FCMR: variants seen among roughly 807,000 people sequenced by gnomAD.
The protein encoded by FCMR is Fc mu receptor.
In FCMR, 34 loss-of-function variants were observed where a neutral mutation model predicts 41.6. The observed-to-expected ratio is 0.82, with a 90% confidence interval of 0.62 to 1.09. The LOEUF is 1.09. Ranked by LOEUF, FCMR falls within the 50% of genes least tolerant of loss-of-function variation. FCMR has a pLI of 0.00. For synonymous variants in FCMR, 209 were observed against 211.8 expected, an observed-to-expected ratio of 0.99 and a Z score of 0.12; for missense variants, 496 against 512.5, an observed-to-expected ratio of 0.97 and a Z score of 0.31.
At chr1:206,910,437 T>C in intron 4 of FCMR, 97 bp from the exon 5 acceptor site, 1 of 1,007,450 alleles carries the variant, frequency 9.9e-7, no homozygotes. Context: ...TGGAGATGAC[T>C]TACAGGTTTG....
intron 7 of FCMR, among the ~76,000 whole-genome samples, chr1:206,905,425 C>G (rs1054306233): frequency 1.3e-5 from 2 of 152,196 alleles, no homozygotes; most frequent in Non-Finnish European, 2.9e-5. Flanking sequence ...GAAAGAGACC[C>G]AGCTGCCAGA....
At position 206,909,555 on chromosome 1, in the gene FCMR, C is replaced by T. The variant is rs1206347117; in HGVS notation, c.986-35G>A. 2.6e-5 allele frequency: 34 copies of T among 1,311,166 alleles called. No homozygotes were observed. Among genetic ancestry groups the T allele is most frequent in the Non-Finnish European group, 3.3e-5 (34 of 1,028,174 alleles). 81.2% of individuals were successfully genotyped at this position (1,311,166 alleles called of 1,614,324 possible). A position where few individuals can be genotyped will look rare whatever the true frequency, so the allele number is the denominator to read the frequency against. On this transcript the variant is annotated intron_variant, in intron 6 of 7. Coordinates refer to ENST00000367091, the MANE Select transcript of FCMR (RefSeq NM_005449.5). The surrounding 1 kb of genome is among the most constrained non-coding windows in gnomAD (Gnocchi z 5.0). The stretch of plus-strand genomic sequence containing the variant: ...AGCGAGGGCGAGGTGAGGCGGCGGC[C>T]GAGGCTCCCGCCCCACCGTCATGCT...
intron 1 of FCMR, 105 bp downstream of exon 1, chr1:206,921,713 G>A: frequency 8.9e-7 from 1 of 1,125,016 alleles, no homozygotes. Flanking sequence ...GTTCACAACT[G>A]AATCCATCCA....
intron 7 of FCMR, chr1:206,907,689 CT>C (rs1349717219): frequency 2.4e-6 from 2 of 838,964 alleles, no homozygotes; most frequent in African/African-American, 3.3e-5. Flanking sequence ...GCCATCGTGG[CT>C]AACTAGGTAC....
chr1:206,907,095 T>A (rs1160284204), intron 7 of FCMR, among the ~76,000 whole-genome samples: 1 of 12,080 alleles, frequency 8.3e-5, no homozygotes, highest in Non-Finnish European at 1.8e-4. Context: ...GGTGGGGGGG[T>A]GGGGGGGTGG....
At position 206,915,067 on chromosome 1, in the gene FCMR, C is replaced by T. The variant is rs150172125; in HGVS notation, c.38-973G>A. 2.0e-3 allele frequency among the ~76,000 whole-genome samples: 300 copies of T among 152,336 alleles called. 3 individuals carry two copies. Among genetic ancestry groups the T allele is most frequent in the African/African-American group, 5.6e-3 (234 of 41,566 alleles). On this transcript the variant is annotated intron_variant, in intron 1 of 7. Coordinates refer to ENST00000367091, the MANE Select transcript of FCMR (RefSeq NM_005449.5). ...CCTTTCCAGTTTGGTTTCGCTCAGG[C>T]GCATCCATCTAGCCATTCATCCACA...
At chr1:206,914,861 C>T (rs1212248256) in intron 1 of FCMR, among the ~76,000 whole-genome samples, 2 of 152,168 alleles carry the variant, frequency 1.3e-5, no homozygotes, top group East Asian at 3.8e-4. Flanking sequence ...CAGCTTTGGC[C>T]TCACCACCAA....
Position 206,913,925 on chromosome 1 carries a change from C to G in FCMR, c.207G>C (p.Lys69Asn). The G allele has an allele frequency of 6.2e-7, 1 of 1,614,218 alleles. No homozygotes were observed. The highest frequency in any genetic ancestry group is 8.5e-7 in the Non-Finnish European group (1 of 1,180,040). ...GTVVSTTNFI[K>N]AEYKGRVTLK... The stretch of plus-strand genomic sequence containing the variant: ...GAGTAACTCGGCCCTTGTATTCTGC[C>G]TTGATGAAGTTGGTGGTGGATACCA... The change falls in exon 2 of 8, where the codon AAG (lysine) becomes AAC (asparagine). Residue 69 changes from lysine (K) to asparagine (N), a missense_variant. Coordinates refer to ENST00000367091, the MANE Select transcript of FCMR (RefSeq NM_005449.5).
intron 7 of FCMR, chr1:206,908,259 TTGGCC>T: frequency 8.4e-7 from 1 of 1,193,362 alleles, no homozygotes; most frequent in Non-Finnish European, 1.2e-6. Flanking sequence ...TTCCTCATGC[TTGGCC>T]TGGCCTGCCC....
rs2306713 is a variant in FCMR at position 206,909,564 on chromosome 1, C to T, written c.986-44G>A. Reference sequence around the variant, plus strand: ...GAGGTGAGGCGGCGGCCGAGGCTCCCGCCCCACCGTCATGCTACTACTCCC... The same window carrying T: ...GAGGTGAGGCGGCGGCCGAGGCTCCTGCCCCACCGTCATGCTACTACTCCC... On this transcript the variant is annotated intron_variant, in intron 6 of 7. Coordinates refer to ENST00000367091, the MANE Select transcript of FCMR (RefSeq NM_005449.5). The surrounding 1 kb of genome is among the most constrained non-coding windows in gnomAD (Gnocchi z 5.0). 5 of 1,297,738 alleles carry T rather than the reference C, an allele frequency of 3.9e-6. No homozygotes were observed. Among genetic ancestry groups the T allele is most frequent in the African/African-American group, 1.6e-5 (1 of 64,328 alleles). 80.4% of individuals were successfully genotyped at this position (1,297,738 alleles called of 1,614,324 possible).
At chr1:206,906,640 T>A (rs1285586683) in intron 7 of FCMR, among the ~76,000 whole-genome samples, 1 of 152,134 alleles carries the variant, frequency 6.6e-6, no homozygotes, top group Non-Finnish European at 1.5e-5. Flanking sequence ...TAATAATGAG[T>A]CATTAAGCAT....
intron 1 of FCMR, among the ~76,000 whole-genome samples, chr1:206,915,659 T>C (rs1679160514): frequency 6.6e-6 from 1 of 152,142 alleles, no homozygotes; most frequent in African/African-American, 2.4e-5. Flanking sequence ...AGAAAGTTCA[T>C]AGGGTAAAGT....
At chr1:206,911,635 A>T in intron 4 of FCMR, 95 bp downstream of exon 4, 2 of 1,191,738 alleles carry the variant, frequency 1.7e-6, no homozygotes, top group Non-Finnish European at 2.5e-6. Flanking sequence ...CTAGAGACAA[A>T]GCCAAGGAGG....
At chr1:206,918,804 T>C (rs1679306801) in intron 1 of FCMR, among the ~76,000 whole-genome samples, 1 of 143,528 alleles carries the variant, frequency 7.0e-6, no homozygotes, top group African/African-American at 2.6e-5. Context: ...TGCTTTATTA[T>C]AGAGCTCTAC....
chr1:206,906,880 T>G (rs1678670553), intron 7 of FCMR, among the ~76,000 whole-genome samples: 1 of 151,878 alleles, frequency 6.6e-6, no homozygotes, highest in Non-Finnish European at 1.5e-5. Context: ...GAGTCAATGG[T>G]CAGTATTCAG....
In FCMR at chr1:206,913,764, T is replaced by C. The variant is rs368812381; in HGVS notation, c.368A>G (p.His123Arg). The change falls in exon 2 of 8, where the codon CAC becomes CGC. Residue 123 changes from histidine to arginine, a missense_variant. Physicochemically the swap from His to Arg is conservative, Grantham distance 29. Coordinates refer to ENST00000367091, the MANE Select transcript of FCMR (RefSeq NM_005449.5). ...GKTQKVTLNV[H>R]SEYEPSWEEQ... ...CAATCAGCGGAGGAACCTACCACTG[T>C]GGACATTCAGGGTGACTTTCTGGGT... 147 of 1,613,666 alleles carry C rather than the reference T, an allele frequency of 9.1e-5. No individual in the cohort carries two copies. The highest frequency in any genetic ancestry group is 1.2e-4 in the Non-Finnish European group (143 of 1,179,672).
intron 3 of FCMR, 76 bp downstream of exon 3, chr1:206,912,853 C>T: frequency 9.8e-7 from 1 of 1,025,320 alleles, no homozygotes; most frequent in East Asian, 2.4e-5. Context: ...ATGAACTGAA[C>T]ATAGACCCCC....
chr1:206,907,706 G>C, intron 7 of FCMR: 1 of 881,406 alleles, frequency 1.1e-6, no homozygotes, highest in South Asian at 1.3e-5. Context: ...GGTACTGCTG[G>C]GCTGGAAGGT....
At chr1:206,913,298 G>C (rs970470470) in intron 2 of FCMR, among the ~76,000 whole-genome samples, 4 of 152,156 alleles carry the variant, frequency 2.6e-5, no homozygotes, top group Non-Finnish European at 4.4e-5. Flanking sequence ...CATATGTGTG[G>C]GGAACTCAGT....
Sources: gnomAD v4.1 joint callset for allele counts (sites outside exome capture counted in the v4.1 genomes callset) on GRCh38, gnomAD v4.1.1 for gene constraint, Gnocchi (gnomAD v3.1) non-coding constraint, MANE v1.5 for transcripts, NCBI Gene and HGNC (gene_info 2026-07-23, HGNC 2026-07-21) for gene names.